Variants in TIRAP observed in about 807,000 individuals in gnomAD.
TIRAP encodes TIR domain containing adaptor protein.
Under a neutral mutation model 19.8 loss-of-function variants are expected in TIRAP, and 20 were observed. The ratio of observed to expected loss-of-function variants is 1.01; its 90% CI spans 0.71 to 1.47. The LOEUF is 1.47. Ranked by LOEUF, TIRAP falls within the 40% of genes most tolerant of loss-of-function variation. TIRAP has a pLI of 0.00. For synonymous variants in TIRAP, 125 were observed against 121.7 expected, an observed-to-expected ratio of 1.03 and a Z score of -0.18; for missense variants, 276 against 285.1, an observed-to-expected ratio of 0.97 and a Z score of 0.23.
rs1014282111 is a variant in TIRAP at position 126,290,738 on chromosome 11, C to T, written c.-92-65C>T. ...GAGAGAAACAGAACTTCGCAGAGCT[C>T]ATCCATGGGGAATGAGAGCAGGGTA... On this transcript the variant is annotated intron_variant, in intron 2 of 4. Transcript: ENST00000392679. The surrounding 1 kb of genome is among the most constrained non-coding windows in gnomAD (Gnocchi z 4.9). 6 of 1,422,502 alleles carry T rather than the reference C, an allele frequency of 4.2e-6. No individual in the cohort carries two copies. The highest frequency in any genetic ancestry group is 5.5e-6 in the Non-Finnish European group (6 of 1,090,856). The allele number at this position is 1,422,502 out of a possible 1,614,324, so 88.1% of individuals were successfully genotyped here.
At position 126,288,415 on chromosome 11, in the gene TIRAP, G is replaced by C. The variant is rs1387764062; in HGVS notation, c.-216-2047G>C. The C allele has an allele frequency of 6.6e-6, 1 of 152,184 alleles. No individual in the cohort carries two copies. The highest frequency in any genetic ancestry group is 1.9e-4 in the East Asian group (1 of 5,192). 9.4% of individuals were successfully genotyped at this position (152,184 alleles called of 1,614,324 possible). A position where few individuals can be genotyped will look rare whatever the true frequency, so the allele number is the denominator to read the frequency against. On this transcript the variant is annotated intron_variant, in intron 1 of 4. Transcript: ENST00000392679. The surrounding 1 kb of genome is among the most constrained non-coding windows in gnomAD (Gnocchi z 5.0). ...GATGACAGTTACCAGGTCTTGGAAA[G>C]ATTAACACGTGTTTGAATATGTGAC...
rs566475661 is a variant in TIRAP, at chr11:126,290,197, G to A, written c.-216-265G>A. 6.6e-6 allele frequency among the ~76,000 whole-genome samples: 1 copy of A among 152,306 alleles called. No homozygotes were observed. Among genetic ancestry groups the A allele is most frequent in the Non-Finnish European group, 1.5e-5 (1 of 68,028 alleles). On this transcript the variant is annotated intron_variant, in intron 1 of 4. Transcript: ENST00000392679. This position sits in a 1 kb window ranked among gnomAD's most constrained non-coding sequence, Gnocchi z 4.9. The stretch of plus-strand genomic sequence containing the variant: ...GATGGAGAAACGAGTTTAGCAAGGT[G>A]GCCAAAGGTCACGGTTAACCAGAGA...
chr11:126,290,848 C>G lies in TIRAP; in HGVS notation c.-47C>G, dbSNP rs767436996. ...AAGACTGGGTCTCCTCCCTCCTCCC[C>G]CTTCACCAATGCCTGGTCTCACGGG... On this transcript the variant is annotated 5_prime_UTR_variant, in exon 3 of 5. Transcript: ENST00000392679. The surrounding 1 kb of genome is among the most constrained non-coding windows in gnomAD (Gnocchi z 4.9). The G allele has an allele frequency of 5.7e-6, 9 of 1,569,332 alleles. No individual in the cohort carries two copies. The highest frequency in any genetic ancestry group is 1.9e-5 in the Admixed American group (1 of 52,682).
In TIRAP at chr11:126,292,815, GCA is replaced by G; in HGVS notation, c.408_409del (p.Leu137GlufsTer3). 1 of 1,612,796 alleles carries G rather than the reference GCA, an allele frequency of 6.2e-7. No homozygotes were observed. Among genetic ancestry groups the G allele is most frequent in the East Asian group, 2.2e-5 (1 of 44,670 alleles). On this transcript the variant is annotated frameshift_variant, in exon 4 of 5. Coordinates refer to ENST00000392679, the MANE Select transcript of TIRAP (RefSeq NM_001318777.2). LOFTEE classifies it high-confidence loss of function. Reference sequence around the variant, plus strand: ...CGCTATAGTGTCCGAGCTGTGCCAGGCACTGAGCAGTAGTCACTGCCGGGTGC... The same window carrying G: ...CGCTATAGTGTCCGAGCTGTGCCAGGCTGAGCAGTAGTCACTGCCGGGTGC... ...GGAIVSELCQ[A>X]LSSSHCRVLL...
chr11:126,285,941 G>T (rs1051110342), intron 1 of TIRAP, among the ~76,000 whole-genome samples: 4 of 151,076 alleles, frequency 2.6e-5, no homozygotes, highest in Non-Finnish European at 2.9e-5. Context: ...TTTAATTCCA[G>T]CTACTCTAGA....
chr11:126,291,487 A>C lies in TIRAP; in HGVS notation c.67+526A>C. On this transcript the variant is annotated intron_variant, in intron 3 of 4. Coordinates refer to ENST00000392679, the MANE Select transcript of TIRAP (RefSeq NM_001318777.2). The surrounding 1 kb of genome is among the most constrained non-coding windows in gnomAD (Gnocchi z 5.6). ...GAGGCCCGGCTCCCTGACATACCTG[A>C]CACTGCATTATCTCAGTTAACTTTC... 1 of 1,131,020 alleles carries C rather than the reference A, an allele frequency of 8.8e-7. No individual in the cohort carries two copies. The highest frequency in any genetic ancestry group is 1.2e-6 in the Non-Finnish European group (1 of 837,368). The allele number at this position is 1,131,020 out of a possible 1,614,324, so 70.1% of individuals were successfully genotyped here. A position where few individuals can be genotyped will look rare whatever the true frequency, so the allele number is the denominator to read the frequency against.
At chr11:126,292,362 C>A in intron 3 of TIRAP, 115 bp from the exon 4 acceptor site, 1 of 1,074,748 alleles carries the variant, frequency 9.3e-7, no homozygotes, top group Non-Finnish European at 1.3e-6. Context: ...TTTCCCAGTG[C>A]AGGGAGGTGG....
At position 126,287,326 on chromosome 11, in the gene TIRAP, T is replaced by A. The variant is rs567673899; in HGVS notation, c.-216-3136T>A. On this transcript the variant is annotated intron_variant, in intron 1 of 4. Transcript: ENST00000392679. This position sits in a 1 kb window ranked among gnomAD's most constrained non-coding sequence, Gnocchi z 4.2. ...TACTAAATACACTTTGGATTTTTTT[T>A]TTTTTATTTTTGAGACTTGAGTCTT... Among the ~76,000 whole-genome samples, 52 of 152,242 alleles carry A rather than the reference T, an allele frequency of 3.4e-4. No homozygotes were observed. The highest frequency in any genetic ancestry group is 1.2e-3 in the African/African-American group (50 of 41,536).
intron 1 of TIRAP, among the ~76,000 whole-genome samples, chr11:126,284,567 G>A (rs1451879445): frequency 2.0e-5 from 3 of 151,940 alleles, no homozygotes; most frequent in Non-Finnish European, 4.4e-5. Flanking sequence ...GTAAACATCT[G>A]TAAGCAGGCG....
chr11:126,284,963 G>A (rs78208328), intron 1 of TIRAP, among the ~76,000 whole-genome samples: 64 of 151,872 alleles, frequency 4.2e-4, no homozygotes, highest in African/African-American at 1.5e-3. Flanking sequence ...CTTCTCCACC[G>A]GCAGTGTTCG....
At chr11:126,292,410 C>A in intron 3 of TIRAP, 67 bp from the exon 4 acceptor site, 1 of 1,566,664 alleles carries the variant, frequency 6.4e-7, no homozygotes, top group Non-Finnish European at 8.7e-7. Context: ...GGTGGGGCTC[C>A]TCCCTGTGTG....
rs1206680964 is a variant in TIRAP, at chr11:126,292,840, T to C, written c.431T>C (p.Val144Ala). ...GCACTGAGCAGTAGTCACTGCCGGG[T>C]GCTGCTCATCACGCCGGGCTTCCTT... Reference protein sequence around the residue: ...CQALSSSHCRVLLITPGFLQD... With the variant: ...CQALSSSHCRALLITPGFLQD... The change falls in exon 4 of 5, where the codon GTG becomes GCG. Residue 144 changes from valine (V) to alanine (A), a missense_variant. Transcript: ENST00000392679. 2 of 1,612,908 alleles carry C rather than the reference T, an allele frequency of 1.2e-6. No homozygotes were observed. Among genetic ancestry groups the C allele is most frequent in the East Asian group, 2.2e-5 (1 of 44,658 alleles).
chr11:126,294,707 T>C lies in TIRAP; in HGVS notation c.*1020T>C. 1 of 340,540 alleles carries C rather than the reference T, an allele frequency of 2.9e-6. No homozygotes were observed. The highest frequency in any genetic ancestry group is 2.3e-5 in the South Asian group (1 of 44,408). The allele number at this position is 340,540 out of a possible 1,614,324, so 21.1% of individuals were successfully genotyped here. A position where few individuals can be genotyped will look rare whatever the true frequency, so the allele number is the denominator to read the frequency against. On this transcript the variant is annotated 3_prime_UTR_variant, in exon 5 of 5. Transcript: ENST00000392679. ...CAATGTGTACTTTTGTGCCCCCCTC[T>C]CACTTCTCCCTATCATGACCCCTCT...
rs1478302183 is a variant in TIRAP, at chr11:126,290,922, C to T, written c.28C>T (p.Pro10Ser). 2 of 1,607,610 alleles carry T rather than the reference C, an allele frequency of 1.2e-6. No homozygotes were observed. The highest frequency in any genetic ancestry group is 1.7e-6 in the Non-Finnish European group (2 of 1,176,634). Residue 10 changes from proline to serine, a missense_variant, in exon 3 of 5, where the codon CCT (proline) becomes TCT (serine). Transcript: ENST00000392679. This position sits in a 1 kb window ranked among gnomAD's most constrained non-coding sequence, Gnocchi z 4.9. MASSTSLPA[P>S]GSRPKKPLGK... ...GGCATCATCGACCTCCCTCCCAGCTCCTGGCTCTCGGCCTAAGAAGCCTCT... is the reference window on the plus strand; with the variant it reads ...GGCATCATCGACCTCCCTCCCAGCTTCTGGCTCTCGGCCTAAGAAGCCTCT...
intron 1 of TIRAP, among the ~76,000 whole-genome samples, chr11:126,289,256 A>G (rs1951354964): frequency 6.6e-6 from 1 of 152,174 alleles, no homozygotes; most frequent in African/African-American, 2.4e-5. Context: ...ACAAAGCATT[A>G]ATGTGCAGCA....
chr11:126,292,569 G>A lies in TIRAP; in HGVS notation c.160G>A (p.Asp54Asn). The stretch of plus-strand genomic sequence containing the variant: ...CGATGCTTCACAGCCTACCTCACAG[G>A]ACAGCCCACTACCCCCAAGCCTCAG... Reference protein sequence around the residue: ...SSDASQPTSQDSPLPPSLSSV... With the variant: ...SSDASQPTSQNSPLPPSLSSV... Residue 54 changes from aspartate to asparagine, a missense_variant, in exon 4 of 5, where the codon GAC becomes AAC. Coordinates refer to ENST00000392679, the MANE Select transcript of TIRAP (RefSeq NM_001318777.2). 6.2e-7 allele frequency: 1 copy of A among 1,614,094 alleles called. No homozygotes were observed. Among genetic ancestry groups the A allele is most frequent in the Non-Finnish European group, 8.5e-7 (1 of 1,180,002 alleles).
chr11:126,283,172 C>A lies in TIRAP; in HGVS notation c.-217+19C>A, dbSNP rs987829837. ...CGCGCAGGTGAGCCCGGGGCGGGGT[C>A]GCGGGGGACCGGGAGGCGCGGCGGG... On this transcript the variant is annotated intron_variant, in intron 1 of 4. Coordinates refer to ENST00000392679, the MANE Select transcript of TIRAP (RefSeq NM_001318777.2). 4.1e-6 allele frequency: 4 copies of A among 981,756 alleles called. No individual in the cohort carries two copies. Among genetic ancestry groups the A allele is most frequent in the Non-Finnish European group, 4.8e-6 (4 of 827,050 alleles). 60.8% of individuals were successfully genotyped at this position (981,756 alleles called of 1,614,324 possible).
At position 126,292,963 on chromosome 11, in the gene TIRAP, C is replaced by G. The variant is rs756734619; in HGVS notation, c.554C>G (p.Ala185Gly). ...CCCCTGCTGTCGGGCCTCAGCAGAG[C>G]TGCCTACCCACCTGAGCTCCGATTC... Reference protein sequence around the residue: ...TIPLLSGLSRAAYPPELRFMY... With the variant: ...TIPLLSGLSRGAYPPELRFMY... Residue 185 changes from alanine (A) to glycine (G), a missense_variant, in exon 4 of 5, where the codon GCT becomes GGT. By Grantham distance (60) the Ala-to-Gly change is moderately conservative. Coordinates refer to ENST00000392679, the MANE Select transcript of TIRAP (RefSeq NM_001318777.2). The G allele has an allele frequency of 5.6e-6, 9 of 1,614,056 alleles. No homozygotes were observed. The South Asian group carries it at 9.9e-5, about 18-fold the overall frequency.
At chr11:126,293,523 G>A in intron 4 of TIRAP, 145 bp from the exon 5 acceptor site, 1 of 959,822 alleles carries the variant, frequency 1.0e-6, no homozygotes, top group South Asian at 1.3e-5. Flanking sequence ...GGAAAGAAGT[G>A]CATATAAGTG....
Sources: allele counts gnomAD v4.1 joint callset (sites outside exome capture counted in the v4.1 genomes callset), GRCh38; gene constraint gnomAD v4.1.1; non-coding constraint Gnocchi (gnomAD v3.1); transcripts MANE v1.5; gene names NCBI Gene and HGNC (gene_info 2026-07-23, HGNC 2026-07-21).